Variants in ACOX3 observed in about 807,000 individuals in gnomAD.
The protein encoded by ACOX3 is peroxisomal acyl-coenzyme A oxidase 3.
A neutral mutation model predicts 81.5 loss-of-function variants in ACOX3; 73 were observed. The ratio of observed to expected loss-of-function variants is 0.90; its 90% CI spans 0.74 to 1.09. The LOEUF (loss-of-function observed/expected upper bound fraction) is 1.09. Among genes scored for constraint, ACOX3 ranks in the 50% least tolerant of loss-of-function variants. ACOX3 has a pLI of 0.00. For missense variants in ACOX3, 947 were observed against 928.0 expected (o/e 1.02, Z -0.27); for synonymous variants, 387 against 375.1 (o/e 1.03, Z -0.37).
intron 1 of ACOX3, among the ~76,000 whole-genome samples, chr4:8,426,504 C>A (rs534497217): frequency 0.019 from 2,649 of 139,034 alleles, 47 homozygotes; most frequent in South Asian, 0.07. Context: ...CTCCATGGCC[C>A]CCCCCGTCAT....
At position 8,416,703 on chromosome 4, in the gene ACOX3, G is replaced by A. The variant is rs2245808; in HGVS notation, c.-14-168C>T. ...GTGAATGGCTAGCATCATTTTCCCA[G>A]AAGAAAAGGCGAGAAGAATTCCCTC... On this transcript the variant is annotated intron_variant, in intron 1 of 17. Coordinates refer to ENST00000356406, the MANE Select transcript of ACOX3 (RefSeq NM_003501.3). This position sits in a 1 kb window ranked among gnomAD's most constrained non-coding sequence, Gnocchi z 4.2. Among the ~76,000 whole-genome samples, 52,740 of 152,074 alleles carry A rather than the reference G, an allele frequency of 0.35. 9,971 individuals are homozygous for A. Among genetic ancestry groups the A allele is most frequent in the South Asian group, 0.46 (2,233 of 4,826 alleles).
Position 8,400,169 on chromosome 4 carries a change from T to C in ACOX3, c.777-517A>G, listed in dbSNP as rs1720212348. On this transcript the variant is annotated intron_variant, in intron 7 of 17. Coordinates refer to ENST00000356406, the MANE Select transcript of ACOX3 (RefSeq NM_003501.3). This position sits in a 1 kb window ranked among gnomAD's most constrained non-coding sequence, Gnocchi z 4.4. Reference sequence around the variant, plus strand: ...AGGAGGCTGAGACAGGAGAATTGTTTGAACCCGGGCGGCGGAAGTTGCAGT... The same window carrying C: ...AGGAGGCTGAGACAGGAGAATTGTTCGAACCCGGGCGGCGGAAGTTGCAGT... Among the ~76,000 whole-genome samples the C allele has an allele frequency of 6.6e-6, 1 of 152,026 alleles. No homozygotes were observed. Among genetic ancestry groups the C allele is most frequent in the South Asian group, 2.1e-4 (1 of 4,822 alleles).
intron 9 of ACOX3, among the ~76,000 whole-genome samples, chr4:8,395,744 G>GACCACACACGGGAGGGGATGGGT (rs1319094509): frequency 1.3e-5 from 2 of 152,244 alleles, no homozygotes; most frequent in Non-Finnish European, 2.9e-5. Flanking sequence ...AGAGTGCTGT[G>GACCACACACGGGAGGGGATGGGT]ACCACACACG....
the ACOX3 span, chr4:8,357,589 A>T: frequency 3.6e-6 from 1 of 276,084 alleles, no homozygotes; most frequent in South Asian, 4.2e-5. Context: ...TATTCCAATT[A>T]TTCAAGTTTT....
chr4:8,364,292 T>C (rs1304089040), downstream of ACOX3, among the ~76,000 whole-genome samples: 2 of 152,216 alleles, frequency 1.3e-5, no homozygotes, highest in African/African-American at 2.4e-5. The surrounding 1 kb of genome is among the most constrained non-coding windows in gnomAD (Gnocchi z 5.0). Flanking sequence ...CAGGGCTGTG[T>C]CACAGGTCAT....
chr4:8,410,487 T>C (rs1012402236), intron 5 of ACOX3, 132 bp from the exon 6 acceptor site: 1 of 1,225,062 alleles, frequency 8.2e-7, no homozygotes, highest in South Asian at 1.5e-5. Context: ...TAATCGCACA[T>C]TTTAGTTCTT....
At chr4:8,422,582 G>A (rs1212673321) in intron 1 of ACOX3, among the ~76,000 whole-genome samples, 1 of 152,200 alleles carries the variant, frequency 6.6e-6, no homozygotes, top group Non-Finnish European at 1.5e-5. Context: ...TGCCACTATA[G>A]GAATATGCAC....
At chr4:8,418,777 T>G (rs1195149183) in intron 1 of ACOX3, among the ~76,000 whole-genome samples, 5 of 152,022 alleles carry the variant, frequency 3.3e-5, no homozygotes, top group Non-Finnish European at 7.4e-5. Flanking sequence ...GGAGAATCGG[T>G]TGAACCGGGA....
chr4:8,369,666 AGGCCAGGCGCTGGGCCCTCCCT>A (rs1231569920), intron 17 of ACOX3, among the ~76,000 whole-genome samples: 1 of 152,228 alleles, frequency 6.6e-6, no homozygotes, highest in Admixed American at 6.5e-5. Context: ...GGCCGCGCTG[AGGCCAGGCGCTGGGCCCTCCCT>A]GGCTAAGCCG....
At chr4:8,362,094 T>C (rs1715242518), downstream of ACOX3, among the ~76,000 whole-genome samples, 1 of 152,228 alleles carries the variant, frequency 6.6e-6, no homozygotes, top group Admixed American at 6.5e-5. Context: ...TAATCCTTTT[T>C]AGAAGGTGGT....
At chr4:8,403,276 C>T (rs1364913287) in intron 7 of ACOX3, among the ~76,000 whole-genome samples, 6 of 152,182 alleles carry the variant, frequency 3.9e-5, no homozygotes, top group Non-Finnish European at 5.9e-5. Flanking sequence ...TAATGCTGAT[C>T]TTGGAAAAGA....
chr4:8,392,493 ACT>A (rs763372225), intron 10 of ACOX3, 40 bp from the exon 11 acceptor site: 1 of 1,484,716 alleles, frequency 6.7e-7, no homozygotes, highest in Non-Finnish European at 9.0e-7. Flanking sequence ...GTGAAAAGAG[ACT>A]TTAGACACCA....
chr4:8,426,578 T>C (rs1385228017), intron 1 of ACOX3, among the ~76,000 whole-genome samples: 3 of 143,770 alleles, frequency 2.1e-5, no homozygotes, highest in Non-Finnish European at 3.0e-5. Flanking sequence ...CATGCCGCTA[T>C]ACTACCAGTA....
chr4:8,413,057 C>T (rs1284964706), intron 5 of ACOX3, among the ~76,000 whole-genome samples: 1 of 144,930 alleles, frequency 6.9e-6, no homozygotes, highest in Non-Finnish European at 1.5e-5. Flanking sequence ...TGGCCTATCT[C>T]CCTCCACCCC....
Position 8,400,090 on chromosome 4 carries a change from T to C in ACOX3, c.777-438A>G, listed in dbSNP as rs1671688809. On this transcript the variant is annotated intron_variant, in intron 7 of 17. Coordinates refer to ENST00000356406, the MANE Select transcript of ACOX3 (RefSeq NM_003501.3). This position sits in a 1 kb window ranked among gnomAD's most constrained non-coding sequence, Gnocchi z 4.4. ...GGTGAAACCCCGTCTCTACTAAAAA[T>C]ACAAAAAAAAATTAGCCAGGAGTGG... 2.0e-5 allele frequency among the ~76,000 whole-genome samples: 3 copies of C among 151,480 alleles called. No homozygotes were observed. The South Asian group carries it at 6.3e-4, about 32-fold the overall frequency.
chr4:8,365,177 G>A (rs963465913), downstream of ACOX3, among the ~76,000 whole-genome samples: 1 of 152,232 alleles, frequency 6.6e-6, no homozygotes, highest in African/African-American at 2.4e-5. Context: ...GGCCCGTGAG[G>A]CCTGTGGGTG....
At chr4:8,417,010 C>G (rs1465179007) in intron 1 of ACOX3, among the ~76,000 whole-genome samples, 1 of 152,262 alleles carries the variant, frequency 6.6e-6, no homozygotes, top group Non-Finnish European at 1.5e-5. Context: ...CACCGCCGGT[C>G]CACCTGGACA....
chr4:8,371,692 AGCGCCGCGCTCT>A (rs1347771235), intron 16 of ACOX3, among the ~76,000 whole-genome samples: 1 of 152,280 alleles, frequency 6.6e-6, no homozygotes, highest in Non-Finnish European at 1.5e-5. Flanking sequence ...TCTGCGCTTC[AGCGCCGCGCTCT>A]GCAGGGCGTG....
In ACOX3 at chr4:8,394,654, C is replaced by T. The variant is rs747511949; in HGVS notation, c.1145G>A (p.Arg382Gln). 40 of 1,613,726 alleles carry T rather than the reference C, an allele frequency of 2.5e-5. No individual in the cohort carries two copies. The highest frequency in any genetic ancestry group is 1.5e-4 in the South Asian group (14 of 91,074). The change falls in exon 10 of 18, where the codon CGA becomes CAA. Residue 382 changes from arginine to glutamine, a missense_variant. Physicochemically the swap from Arg to Gln is conservative, Grantham distance 43 (BLOSUM62 1). Coordinates refer to ENST00000356406, the MANE Select transcript of ACOX3 (RefSeq NM_003501.3). This position sits in a 1 kb window ranked among gnomAD's most constrained non-coding sequence, Gnocchi z 5.9. ...GCTGCGGTCTCCCGATGCAAGTCCT[C>T]GCTGGAGCTCCACCAGGTCCAGGAA... ...SLFLDLVELQRGLASGDRSAR... is the reference protein window; with the variant it reads ...SLFLDLVELQQGLASGDRSAR...
Sources: allele counts gnomAD v4.1 joint callset (sites outside exome capture counted in the v4.1 genomes callset), GRCh38; gene constraint gnomAD v4.1.1; non-coding constraint Gnocchi (gnomAD v3.1); transcripts MANE v1.5; gene names NCBI Gene and HGNC (gene_info 2026-07-23, HGNC 2026-07-21).